Variants in RAB8B observed in about 807,000 individuals in gnomAD.
The protein encoded by RAB8B is RAB8B, member RAS oncogene family, also known as ras-related protein Rab-8B.
RAB8B carries 11 observed loss-of-function variants against 32.0 expected under a neutral mutation model. The observed-to-expected ratio is 0.34, with a 90% CI of 0.22 to 0.57. RAB8B has a LOEUF of 0.57. Among genes scored for constraint, RAB8B ranks in the 20% least tolerant of loss-of-function variants. The pLI is 0.86. For synonymous variants in RAB8B, 103 were observed against 89.6 expected (o/e 1.15, Z -0.85); for missense variants, 190 against 258.5 (o/e 0.73, Z 1.82).
intron 3 of RAB8B, 78 bp downstream of exon 3, chr15:63,249,783 C>G (rs1347729750): frequency 9.2e-6 from 13 of 1,416,550 alleles, no homozygotes; most frequent in Non-Finnish European, 1.3e-5. Flanking sequence ...TTATAGGATT[C>G]AAGATGGAGT....
intron 1 of RAB8B, among the ~76,000 whole-genome samples, chr15:63,207,064 A>G (rs1366098465): frequency 6.6e-6 from 1 of 152,008 alleles, no homozygotes; most frequent in Non-Finnish European, 1.5e-5. Flanking sequence ...TTTCCATGGT[A>G]GTCTCATTTT....
chr15:63,243,540 G>A (rs930083934), intron 1 of RAB8B, among the ~76,000 whole-genome samples: 2 of 152,104 alleles, frequency 1.3e-5, no homozygotes, highest in Admixed American at 1.3e-4. Flanking sequence ...GTGAGGGAAG[G>A]GTTGAACTTT....
chr15:63,263,763 A>G lies in RAB8B; in HGVS notation c.*144A>G, dbSNP rs1033765031. On this transcript the variant is annotated 3_prime_UTR_variant, in exon 8 of 8. Transcript: ENST00000321437. ...TTAGACCTCTCAACACAGTATGCCA[A>G]GTGGATTCCAGCCTCATGGCCTAGC... 3.5e-6 allele frequency: 2 copies of G among 567,188 alleles called. No individual in the cohort carries two copies. The highest frequency in any genetic ancestry group is 6.4e-5 in the Admixed American group (2 of 31,090). 35.1% of individuals were successfully genotyped at this position (567,188 alleles called of 1,614,324 possible).
intron 1 of RAB8B, chr15:63,223,065 C>A (rs1444978063): frequency 2.2e-6 from 1 of 455,944 alleles, no homozygotes; most frequent in East Asian, 7.0e-5. Flanking sequence ...CCTGTAAGCG[C>A]CTTTCATGGT....
chr15:63,245,395 C>G (rs2038063087), intron 2 of RAB8B, among the ~76,000 whole-genome samples: 1 of 152,336 alleles, frequency 6.6e-6, no homozygotes, highest in African/African-American at 2.4e-5. Context: ...ATAGTTCAGA[C>G]TGCTCTAAGA....
intron 1 of RAB8B, among the ~76,000 whole-genome samples, chr15:63,206,974 T>C (rs145296940): frequency 6.6e-6 from 1 of 152,268 alleles, no homozygotes; most frequent in African/African-American, 2.4e-5. Flanking sequence ...TATTATCTGC[T>C]CCTTGAAACT....
chr15:63,254,191 A>T (rs564083297), intron 3 of RAB8B, among the ~76,000 whole-genome samples: 1 of 152,278 alleles, frequency 6.6e-6, no homozygotes, highest in South Asian at 2.1e-4. Flanking sequence ...TCTTCACCGC[A>T]GCTCCTAGCC....
intron 1 of RAB8B, among the ~76,000 whole-genome samples, chr15:63,221,425 C>T (rs73441215): frequency 0.013 from 1,912 of 152,220 alleles, 37 homozygotes; most frequent in African/African-American, 0.044. Context: ...AAGCAAAAAG[C>T]TTGAATGGCC....
intron 1 of RAB8B, among the ~76,000 whole-genome samples, chr15:63,235,971 G>A (rs1309135578): frequency 6.6e-6 from 1 of 152,106 alleles, no homozygotes; most frequent in Non-Finnish European, 1.5e-5. Flanking sequence ...GGATGTTCTT[G>A]TACGTCTCCC....
At chr15:63,251,705 C>CA (rs1347047591) in intron 3 of RAB8B, among the ~76,000 whole-genome samples, 1 of 152,232 alleles carries the variant, frequency 6.6e-6, no homozygotes, top group East Asian at 1.9e-4. Flanking sequence ...TATACAATGC[C>CA]AGTGTCTGAC....
At chr15:63,196,810 A>C (rs981287209) in intron 1 of RAB8B, among the ~76,000 whole-genome samples, 24 of 152,228 alleles carry the variant, frequency 1.6e-4, no homozygotes, top group African/African-American at 5.8e-4. Context: ...TTCTATAATC[A>C]GTTTGAAAGG....
Position 63,248,371 on chromosome 15 carries a change from G to GCCCA in RAB8B, c.186-1273_186-1272insCCAC, listed in dbSNP as rs2038088314. 6.6e-6 allele frequency among the ~76,000 whole-genome samples: 1 copy of GCCCA among 152,086 alleles called. No homozygotes were observed. The highest frequency in any genetic ancestry group is 6.5e-5 in the Admixed American group (1 of 15,268). On this transcript the variant is annotated intron_variant, in intron 2 of 7. Coordinates refer to ENST00000321437, the MANE Select transcript of RAB8B (RefSeq NM_016530.3). This position sits in a 1 kb window ranked among gnomAD's most constrained non-coding sequence, Gnocchi z 4.4. ...TATTAAAAATACAAAAATTAGCCTGGCGTGGTGGTGGGCTTCTGTAGTCCC... is the reference window on the plus strand; with the variant it reads ...TATTAAAAATACAAAAATTAGCCTGGCCCACGTGGTGGTGGGCTTCTGTAGTCCC...
chr15:63,212,227 C>G (rs1203578597), intron 1 of RAB8B, among the ~76,000 whole-genome samples: 1 of 152,168 alleles, frequency 6.6e-6, no homozygotes, highest in Admixed American at 6.5e-5. Context: ...GCATGCTGAA[C>G]TAGTTCGCAG....
At chr15:63,207,263 A>G (rs2037706121) in intron 1 of RAB8B, among the ~76,000 whole-genome samples, 2 of 152,136 alleles carry the variant, frequency 1.3e-5, no homozygotes, top group South Asian at 4.1e-4. Context: ...GGTTCTCATC[A>G]TATCCCTAGC....
At chr15:63,200,006 A>AC (rs2037634500) in intron 1 of RAB8B, among the ~76,000 whole-genome samples, 1 of 152,206 alleles carries the variant, frequency 6.6e-6, no homozygotes, top group Non-Finnish European at 1.5e-5. Context: ...GGCTGTGACA[A>AC]ACAATTGGTT....
At chr15:63,204,791 C>G (rs1171497228) in intron 1 of RAB8B, among the ~76,000 whole-genome samples, 1 of 152,170 alleles carries the variant, frequency 6.6e-6, no homozygotes, top group East Asian at 1.9e-4. Context: ...TAAACTGTCT[C>G]AAGAGATTTA....
rs535020723 is a variant in RAB8B at position 63,209,032 on chromosome 15, G to A, written c.124+19284G>A. On this transcript the variant is annotated intron_variant, in intron 1 of 7. Transcript: ENST00000321437. ...AGCCTCCCGAGTAGCTGGGATTATA[G>A]GTGCCCGCCACCACACACGGCTAAT... Among the ~76,000 whole-genome samples, 95 of 151,618 alleles carry A rather than the reference G, an allele frequency of 6.3e-4. 1 individual carries two copies. Among genetic ancestry groups the A allele is most frequent in the African/African-American group, 2.3e-3 (94 of 41,310 alleles).
chr15:63,194,012 A>G (rs1285762734), intron 1 of RAB8B, among the ~76,000 whole-genome samples: 2 of 152,180 alleles, frequency 1.3e-5, no homozygotes, highest in Non-Finnish European at 2.9e-5. Context: ...TAACAAAAAG[A>G]GATAACCCAG....
At chr15:63,260,090 C>G (rs1008387969) in intron 6 of RAB8B, among the ~76,000 whole-genome samples, 2 of 152,174 alleles carry the variant, frequency 1.3e-5, no homozygotes, top group Non-Finnish European at 2.9e-5. Context: ...TCCTTGGCCT[C>G]CCAAAGTGCT....
Sources: gnomAD v4.1 joint callset for allele counts (sites outside exome capture counted in the v4.1 genomes callset) on GRCh38, gnomAD v4.1.1 for gene constraint, Gnocchi (gnomAD v3.1) non-coding constraint, MANE v1.5 for transcripts, NCBI Gene and HGNC (gene_info 2026-07-23, HGNC 2026-07-21) for gene names.